ARHGAP26: variants seen among roughly 807,000 people sequenced by gnomAD.
The protein encoded by ARHGAP26 is Rho GTPase activating protein 26.
In ARHGAP26, 38 loss-of-function variants were observed where a neutral mutation model predicts 104.8. That is an observed-to-expected ratio of 0.36 (90% CI 0.28 to 0.48). ARHGAP26 has a LOEUF of 0.48. Ranked by LOEUF, ARHGAP26 falls within the 20% of genes least tolerant of loss-of-function variation. ARHGAP26 has a pLI of 0.99. For synonymous variants in ARHGAP26, 341 were observed against 340.0 expected (o/e 1.00, Z -0.03); for missense variants, 704 against 947.9 (o/e 0.74, Z 3.38).
At chr5:143,219,287 CA>C (rs1810829668) in intron 22 of ARHGAP26, among the ~76,000 whole-genome samples, 1 of 152,184 alleles carries the variant, frequency 6.6e-6, no homozygotes, top group African/African-American at 2.4e-5. Flanking sequence ...TCCTGAGGAT[CA>C]AATGAATCAA....
intron 19 of ARHGAP26, among the ~76,000 whole-genome samples, chr5:143,138,224 G>T (rs1283732567): frequency 6.6e-6 from 1 of 152,284 alleles, no homozygotes; most frequent in East Asian, 1.9e-4. Flanking sequence ...GAGCTTGATG[G>T]TTTCTCATGC....
intron 17 of ARHGAP26, among the ~76,000 whole-genome samples, chr5:143,119,521 A>T (rs1795887247): frequency 6.6e-6 from 1 of 152,208 alleles, no homozygotes; most frequent in South Asian, 2.1e-4. Flanking sequence ...ATCTGCATTA[A>T]CTTTGTCAAA....
intron 3 of ARHGAP26, among the ~76,000 whole-genome samples, chr5:142,878,322 C>T (rs941700946): frequency 6.6e-5 from 10 of 152,184 alleles, no homozygotes; most frequent in Non-Finnish European, 1.3e-4. Context: ...CAATTCAGCC[C>T]ACTCGTTTTG....
At chr5:143,132,873 A>T (rs1287614410) in intron 18 of ARHGAP26, among the ~76,000 whole-genome samples, 1 of 152,222 alleles carries the variant, frequency 6.6e-6, no homozygotes, top group African/African-American at 2.4e-5. Context: ...AAAAAAAAAA[A>T]AAAAACTGTT....
Position 143,222,954 on chromosome 5 carries a change from C to G in ARHGAP26, c.*508C>G. 1 of 233,424 alleles carries G rather than the reference C, an allele frequency of 4.3e-6. No homozygotes were observed. Among genetic ancestry groups the G allele is most frequent in the East Asian group, 6.0e-5 (1 of 16,534 alleles). The allele number at this position is 233,424 out of a possible 1,614,324, so 14.5% of individuals were successfully genotyped here. ...CTTAAAGTGCTACAGGCAGCTGGATCTGTTTGCATGCAGGATGAAGAGGGT... is the reference window on the plus strand; with the variant it reads ...CTTAAAGTGCTACAGGCAGCTGGATGTGTTTGCATGCAGGATGAAGAGGGT... On this transcript the variant is annotated 3_prime_UTR_variant, in exon 23 of 23. Transcript: ENST00000645722.
intron 17 of ARHGAP26, among the ~76,000 whole-genome samples, chr5:143,068,685 G>T (rs1425410975): frequency 6.6e-6 from 1 of 152,188 alleles, no homozygotes; most frequent in African/African-American, 2.4e-5. Context: ...CAACTACAAA[G>T]AATCTTTCTC....
chr5:142,954,244 A>T (rs2152626418), intron 11 of ARHGAP26, among the ~76,000 whole-genome samples: 1 of 152,246 alleles, frequency 6.6e-6, no homozygotes, highest in Admixed American at 6.5e-5. Context: ...TTTCCTGAGA[A>T]TTTTTTGTAA....
chr5:142,841,121 A>G (rs983739049), intron 1 of ARHGAP26, among the ~76,000 whole-genome samples: 1 of 152,148 alleles, frequency 6.6e-6, no homozygotes, highest in African/African-American at 2.4e-5. Flanking sequence ...CACCCATACA[A>G]TAAAGATTAA....
chr5:143,074,776 A>G (rs867707478), intron 17 of ARHGAP26, among the ~76,000 whole-genome samples: 16 of 152,358 alleles, frequency 1.1e-4, no homozygotes, highest in African/African-American at 3.6e-4. Flanking sequence ...TCTCAGACCT[A>G]AGACATGTTT....
At chr5:142,816,534 G>C (rs1369879627) in intron 1 of ARHGAP26, among the ~76,000 whole-genome samples, 1 of 152,196 alleles carries the variant, frequency 6.6e-6, no homozygotes. Context: ...GATGCCATGT[G>C]CGCCCTGGGC....
chr5:143,201,232 T>C (rs955965210), intron 20 of ARHGAP26, among the ~76,000 whole-genome samples: 6 of 152,134 alleles, frequency 3.9e-5, no homozygotes, highest in Non-Finnish European at 8.8e-5. Context: ...TCATTGGGCC[T>C]AGATGTGGGG....
intron 1 of ARHGAP26, among the ~76,000 whole-genome samples, chr5:142,772,370 T>G (rs1436910846): frequency 1.3e-5 from 2 of 152,192 alleles, no homozygotes. Context: ...GTTTAGGGGA[T>G]GGGGGTCCCT....
At chr5:142,838,851 T>C (rs1030384858) in intron 1 of ARHGAP26, among the ~76,000 whole-genome samples, 2 of 152,222 alleles carry the variant, frequency 1.3e-5, no homozygotes, top group Admixed American at 1.3e-4. Context: ...AGTGACCACG[T>C]CAAAGCTGTA....
chr5:143,062,071 G>T (rs953834357), intron 17 of ARHGAP26, among the ~76,000 whole-genome samples: 1 of 152,160 alleles, frequency 6.6e-6, no homozygotes, highest in African/African-American at 2.4e-5. Context: ...ACAGCCCACG[G>T]TGTCTACAGC....
chr5:143,100,907 A>G (rs1793127430), intron 17 of ARHGAP26, among the ~76,000 whole-genome samples: 1 of 152,216 alleles, frequency 6.6e-6, no homozygotes, highest in African/African-American at 2.4e-5. Flanking sequence ...CCTGGCCAAC[A>G]TGGCGAAACC....
chr5:143,131,587 G>C (rs376897396), intron 18 of ARHGAP26, among the ~76,000 whole-genome samples: 1 of 152,198 alleles, frequency 6.6e-6, no homozygotes, highest in Non-Finnish European at 1.5e-5. Flanking sequence ...ACACATCCTT[G>C]TATGTTTGGG....
intron 20 of ARHGAP26, among the ~76,000 whole-genome samples, chr5:143,157,807 G>A (rs1800682301): frequency 6.6e-6 from 1 of 152,168 alleles, no homozygotes. Flanking sequence ...GTTATATCAC[G>A]TGAAAAGCAT....
intron 11 of ARHGAP26, among the ~76,000 whole-genome samples, chr5:142,964,571 C>A (rs368214733): frequency 7.3e-6 from 1 of 136,840 alleles, no homozygotes; most frequent in Non-Finnish European, 1.5e-5. Context: ...CACACACACA[C>A]AAAACAACAA....
At chr5:143,134,669 C>T (rs187319589) in intron 19 of ARHGAP26, among the ~76,000 whole-genome samples, 51 of 152,324 alleles carry the variant, frequency 3.3e-4, no homozygotes, top group Middle Eastern at 3.4e-3. Context: ...AGTGTGTTAT[C>T]ACCACAATTA....
Sources: gnomAD v4.1 joint callset for allele counts (sites outside exome capture counted in the v4.1 genomes callset) on GRCh38, gnomAD v4.1.1 for gene constraint, MANE v1.5 for transcripts, NCBI Gene and HGNC (gene_info 2026-07-23, HGNC 2026-07-21) for gene names.